KCNB2: variants seen among roughly 807,000 people sequenced by gnomAD.
KCNB2 encodes the protein delayed rectifier potassium channel protein.
Under a neutral mutation model 61.5 loss-of-function variants are expected in KCNB2, and 15 were observed. The ratio of observed to expected loss-of-function variants is 0.24; its 90% confidence interval spans 0.16 to 0.38. KCNB2 has a LOEUF of 0.38. KCNB2 is among the 10% of genes least tolerant of loss of function. The probability of loss-of-function intolerance (pLI) is 1.00; values close to 1 mark genes in which losing one functional copy is unlikely to be tolerated. For missense variants in KCNB2, 828 were observed against 1,125.2 expected (o/e 0.74, Z 3.78); for synonymous variants, 457 against 446.0 (o/e 1.02, Z -0.31).
intron 2 of KCNB2, among the ~76,000 whole-genome samples, chr8:72,871,523 C>T (rs1267795538): frequency 6.6e-6 from 1 of 152,228 alleles, no homozygotes; most frequent in Non-Finnish European, 1.5e-5. Flanking sequence ...CTGCAAGATA[C>T]ACATTACTTG....
chr8:72,569,988 T>C (rs1806685288), intron 2 of KCNB2, among the ~76,000 whole-genome samples: 1 of 152,092 alleles, frequency 6.6e-6, no homozygotes, highest in Non-Finnish European at 1.5e-5. Context: ...ACAGAAAAAA[T>C]TTAAGATATA....
At chr8:72,812,672 A>C (rs970859526) in intron 2 of KCNB2, among the ~76,000 whole-genome samples, 3 of 152,040 alleles carry the variant, frequency 2.0e-5, no homozygotes, top group African/African-American at 7.2e-5. Flanking sequence ...TAAGTCTGTA[A>C]ATATAATAAA....
At chr8:72,855,930 C>G (rs765712006) in intron 2 of KCNB2, among the ~76,000 whole-genome samples, 1 of 152,184 alleles carries the variant, frequency 6.6e-6, no homozygotes, top group Non-Finnish European at 1.5e-5. Context: ...TAAATCATCT[C>G]TAGATTTCTT....
At chr8:72,604,645 C>A (rs571219216) in intron 2 of KCNB2, among the ~76,000 whole-genome samples, 3 of 152,280 alleles carry the variant, frequency 2.0e-5, no homozygotes, top group South Asian at 2.1e-4. Context: ...ACTAGTTGCT[C>A]AAAAAGATGT....
rs868660552 is a variant in KCNB2 at position 72,541,099 on chromosome 8, T to C, written c.-94+3214T>C. Among the ~76,000 whole-genome samples, 90 of 151,906 alleles carry C rather than the reference T, an allele frequency of 5.9e-4. 3 individuals carry two copies. The highest frequency in any genetic ancestry group is 2.0e-3 in the African/African-American group (85 of 41,522). On this transcript the variant is annotated intron_variant, in intron 1 of 2. Transcript: ENST00000523207. ...CTTAATAATTTTATACTTAGCAAAT[T>C]AATTAAGACACATCCATGAAGAGGA... is the stretch of plus-strand genomic sequence containing the variant.
intron 2 of KCNB2, among the ~76,000 whole-genome samples, chr8:72,904,655 A>AT (rs999819821): frequency 1.6e-4 from 25 of 151,970 alleles, no homozygotes; most frequent in African/African-American, 2.9e-4. Flanking sequence ...ATGTTTTTTT[A>AT]TTTTTTTAAT....
intron 2 of KCNB2, among the ~76,000 whole-genome samples, chr8:72,777,854 C>T (rs1318920662): frequency 6.6e-6 from 1 of 152,114 alleles, no homozygotes; most frequent in Non-Finnish European, 1.5e-5. Context: ...GGAATTTATA[C>T]ATTTCTTGCT....
chr8:72,752,372 A>G (rs569697546), intron 2 of KCNB2, among the ~76,000 whole-genome samples: 1 of 152,336 alleles, frequency 6.6e-6, no homozygotes, highest in African/African-American at 2.4e-5. Flanking sequence ...GGAGGAGATT[A>G]GTACTTACTC....
At chr8:72,822,820 A>G (rs1221186692) in intron 2 of KCNB2, among the ~76,000 whole-genome samples, 1 of 152,192 alleles carries the variant, frequency 6.6e-6, no homozygotes, top group East Asian at 1.9e-4. Flanking sequence ...TCTTCCCAAG[A>G]TGGAGATCTT....
chr8:72,934,144 G>T (rs1806847867), intron 2 of KCNB2, among the ~76,000 whole-genome samples: 1 of 152,064 alleles, frequency 6.6e-6, no homozygotes, highest in African/African-American at 2.4e-5. Context: ...ACTTTGGGAG[G>T]CCGAAGCAGG....
chr8:72,913,336 T>C (rs1287928681), intron 2 of KCNB2, among the ~76,000 whole-genome samples: 3 of 152,204 alleles, frequency 2.0e-5, no homozygotes, highest in Non-Finnish European at 4.4e-5. Context: ...TGAAATGTGT[T>C]GGATATGGAC....
chr8:72,625,190 A>G (rs1805771091), intron 2 of KCNB2, among the ~76,000 whole-genome samples: 1 of 152,168 alleles, frequency 6.6e-6, no homozygotes, highest in Non-Finnish European at 1.5e-5. Flanking sequence ...AGTTTGTGGT[A>G]ATTTGTTATA....
chr8:72,666,821 T>C (rs1192915193), intron 2 of KCNB2, among the ~76,000 whole-genome samples: 2 of 152,088 alleles, frequency 1.3e-5, no homozygotes, highest in Non-Finnish European at 2.9e-5. Flanking sequence ...AATTAATTTT[T>C]TTTTCCTGAA....
chr8:72,673,571 C>G (rs1189799632), intron 2 of KCNB2, among the ~76,000 whole-genome samples: 1 of 152,146 alleles, frequency 6.6e-6, no homozygotes, highest in East Asian at 1.9e-4. Flanking sequence ...TAAGAACAGA[C>G]TAATACATGT....
chr8:72,898,785 A>G (rs951485996), intron 2 of KCNB2, among the ~76,000 whole-genome samples: 1 of 152,174 alleles, frequency 6.6e-6, no homozygotes, highest in Admixed American at 6.5e-5. Context: ...ATAGTACCCA[A>G]TAGGTAGTTT....
At chr8:72,935,159 C>T (rs12548517) in intron 2 of KCNB2, among the ~76,000 whole-genome samples, 13,189 of 152,186 alleles carry the variant, frequency 0.087, 2,548 homozygotes, top group East Asian at 0.79. Context: ...GACTGCCTGA[C>T]TCTAAAACCC....
intron 2 of KCNB2, among the ~76,000 whole-genome samples, chr8:72,726,478 T>C (rs1005802552): frequency 6.6e-6 from 1 of 152,254 alleles, no homozygotes; most frequent in African/African-American, 2.4e-5. Flanking sequence ...GCAGTCATTC[T>C]TTAGCAGACT....
At chr8:72,559,834 G>A (rs1806485663) in intron 1 of KCNB2, among the ~76,000 whole-genome samples, 1 of 152,152 alleles carries the variant, frequency 6.6e-6, no homozygotes, top group Admixed American at 6.5e-5. Flanking sequence ...GAATTTAATG[G>A]AAAGAGACTT....
intron 2 of KCNB2, among the ~76,000 whole-genome samples, chr8:72,896,779 T>G (rs989558364): frequency 1.3e-5 from 2 of 152,170 alleles, no homozygotes; most frequent in African/African-American, 4.8e-5. Flanking sequence ...TGGAGGGTTC[T>G]TCTACATCTA....
Sources: allele counts gnomAD v4.1 joint callset (sites outside exome capture counted in the v4.1 genomes callset), GRCh38; gene constraint gnomAD v4.1.1; transcripts MANE v1.5; gene names NCBI Gene and HGNC (gene_info 2026-07-23, HGNC 2026-07-21).